NOX1: variants seen among roughly 807,000 people sequenced by gnomAD.
NOX1 encodes NADH/NADPH mitogenic oxidase subunit P65-MOX.
NOX1 carries 34 observed loss-of-function variants against 42.5 expected under a neutral mutation model. The observed-to-expected ratio is 0.80, with a 90% CI of 0.61 to 1.07. The LOEUF (loss-of-function observed/expected upper bound fraction) is 1.07. Ranked by LOEUF, NOX1 falls within the 50% of genes least tolerant of loss-of-function variation. NOX1 has a pLI of 0.00. For synonymous variants in NOX1, 143 were observed against 152.5 expected, an observed-to-expected ratio of 0.94 and a Z score of 0.46; for missense variants, 408 against 427.0, an observed-to-expected ratio of 0.96 and a Z score of 0.39.
Position 100,850,203 on chromosome X carries a change from A to C in NOX1, c.1081T>G (p.Trp361Gly), listed in dbSNP as rs780888793. The C allele has an allele frequency of 1.7e-5, 20 of 1,211,784 alleles. No homozygotes were observed. Among genetic ancestry groups the C allele is most frequent in the Non-Finnish European group, 2.2e-5 (20 of 895,382 alleles). Residue 361 changes from tryptophan (W) to glycine (G), a missense_variant, in exon 9 of 13, where the codon TGG becomes GGG. Transcript: ENST00000372966. ...FSIHIRAAGD[W>G]TENLIRAFEQ... is the part of the protein sequence containing the mutation. Reference sequence around the variant, plus strand: ...AAAGCCCTTATGAGATTTTCTGTCCAGTCCCCTGCTGCTCGGATATGAATG... The same window carrying C: ...AAAGCCCTTATGAGATTTTCTGTCCCGTCCCCTGCTGCTCGGATATGAATG...
At position 100,849,082 on chromosome X, in the gene NOX1, GA is replaced by G. The variant is rs767016582; in HGVS notation, c.1443+197del. Among the ~76,000 whole-genome samples, 7 of 44,644 alleles carry G rather than the reference GA, an allele frequency of 1.6e-4. No individual in the cohort carries two copies. The East Asian group carries it at 2.0e-3, about 13-fold the overall frequency. The allele number at this position is 44,644 out of a possible 115,157, so 38.8% of individuals were successfully genotyped here. On this transcript the variant is annotated intron_variant, in intron 11 of 12. Coordinates refer to ENST00000372966, the MANE Select transcript of NOX1 (RefSeq NM_007052.5). ...CAAGAGTGAAACTCTGTCTCAAAAAGAAAAAAAAAAGAAGAAAGAAAGAAAA... is the reference window on the plus strand; with the variant it reads ...CAAGAGTGAAACTCTGTCTCAAAAAGAAAAAAAAAGAAGAAAGAAAGAAAA...
intron 1 of NOX1, 140 bp downstream of exon 1, chrX:100,873,955 G>T: frequency 2.3e-6 from 1 of 426,176 alleles, no homozygotes; most frequent in Non-Finnish European, 4.1e-6. Flanking sequence ...ACCCACAGTT[G>T]TATTTTTTAA....
chrX:100,856,351 G>T, intron 7 of NOX1: 1 of 582,354 alleles, frequency 1.7e-6, no homozygotes, highest in Non-Finnish European at 3.0e-6. Flanking sequence ...TCAGCTGTTT[G>T]AGCTCTTTAG....
At chrX:100,872,247 A>G (rs775796747) in intron 1 of NOX1, among the ~76,000 whole-genome samples, 56 of 112,152 alleles carry the variant, frequency 5.0e-4, no homozygotes, top group Non-Finnish European at 9.2e-4. Context: ...CACCTCAAGA[A>G]TTTGGAAGAC....
chrX:100,850,986 G>A (rs2085110327), intron 8 of NOX1, among the ~76,000 whole-genome samples: 1 of 110,634 alleles, frequency 9.0e-6, no homozygotes, highest in Admixed American at 9.6e-5. Flanking sequence ...ATTACAGGTG[G>A]GCACCACCAC....
Position 100,850,217 on chromosome X carries a change from C to A in NOX1, c.1067G>T (p.Arg356Leu), listed in dbSNP as rs200198157. 36 of 1,211,218 alleles carry A rather than the reference C, an allele frequency of 3.0e-5. No individual in the cohort carries two copies. Among genetic ancestry groups the A allele is most frequent in the Non-Finnish European group, 3.6e-5 (32 of 895,164 alleles). The change falls in exon 9 of 13, where the codon CGA becomes CTA. Residue 356 changes from arginine (R) to leucine (L), a missense_variant. Coordinates refer to ENST00000372966, the MANE Select transcript of NOX1 (RefSeq NM_007052.5). ...PEEDFFSIHIRAAGDWTENLI... is the reference protein window; with the variant it reads ...PEEDFFSIHILAAGDWTENLI... The stretch of plus-strand genomic sequence containing the variant: ...ATTTTCTGTCCAGTCCCCTGCTGCT[C>A]GGATATGAATGGAGAAGAAATCTTC...
intron 7 of NOX1, among the ~76,000 whole-genome samples, chrX:100,860,707 T>C (rs996687731): frequency 1.8e-5 from 2 of 111,770 alleles, no homozygotes; most frequent in African/African-American, 6.5e-5. Flanking sequence ...GAGTTGTAAA[T>C]ACTTTTCCTA....
chrX:100,868,919 T>A (rs1022177084), intron 2 of NOX1, among the ~76,000 whole-genome samples: 14 of 110,858 alleles, frequency 1.3e-4, no homozygotes, highest in African/African-American at 4.6e-4. Flanking sequence ...AAATAGGGAA[T>A]CCTTTCCCCA....
Position 100,849,364 on chromosome X carries a change from A to C in NOX1, c.1359T>G (p.Thr453=), listed in dbSNP as rs771210143. 4.7e-5 allele frequency: 57 copies of C among 1,208,352 alleles called. No individual in the cohort carries two copies. The East Asian group carries it at 1.6e-3, about 35-fold the overall frequency. ...ATTCCTCCATCTCCTGTTCCAGGGA[A>C]GTCAACAGGTTGTTGAACCAGGAAA... ...GAFSWFNNLL[T]SLEQEMEELG... The change falls in exon 11 of 13, where the codon ACT becomes ACG. Residue 453 remains threonine (T), a synonymous_variant. Coordinates refer to ENST00000372966, the MANE Select transcript of NOX1 (RefSeq NM_007052.5).
In NOX1 at chrX:100,843,451, G is replaced by C. The variant is rs935127592; in HGVS notation, c.*501C>G. On this transcript the variant is annotated 3_prime_UTR_variant, in exon 13 of 13. Transcript: ENST00000372966. ...CACTGTTGGTGTTATATGGGGATGG[G>C]GTTCTCGGTAATTTTGTTTATTATT... 9.1e-7 allele frequency: 1 copy of C among 1,103,305 alleles called. No individual in the cohort carries two copies. Among genetic ancestry groups the C allele is most frequent in the Non-Finnish European group, 1.2e-6 (1 of 848,875 alleles). 90.9% of individuals were successfully genotyped at this position (1,103,305 alleles called of 1,213,427 possible). A position where few individuals can be genotyped will look rare whatever the true frequency, so the allele number is the denominator to read the frequency against.
chrX:100,853,261 C>CTTTCTTT (rs2085129900), intron 7 of NOX1, among the ~76,000 whole-genome samples: 6 of 23,450 alleles, frequency 2.6e-4, no homozygotes, highest in East Asian at 2.2e-3. Flanking sequence ...TTCCTTCCTT[C>CTTTCTTT]CTTTCTTTCT....
intron 7 of NOX1, among the ~76,000 whole-genome samples, chrX:100,852,160 C>A (rs2085118967): frequency 8.9e-6 from 1 of 112,284 alleles, no homozygotes; most frequent in South Asian, 3.7e-4. Context: ...TTTACCTTGT[C>A]TACATTTTTT....
At position 100,868,498 on chromosome X, in the gene NOX1, T is replaced by C. The variant is rs747571308; in HGVS notation, c.141+2221A>G. On this transcript the variant is annotated intron_variant, in intron 2 of 12. Coordinates refer to ENST00000372966, the MANE Select transcript of NOX1 (RefSeq NM_007052.5). ...CCTCCTGGTCACCTCCACACCCCTGTGCCCTACCCACTCCCTCCCTCCCTC... is the reference window on the plus strand; with the variant it reads ...CCTCCTGGTCACCTCCACACCCCTGCGCCCTACCCACTCCCTCCCTCCCTC... 4.5e-5 allele frequency among the ~76,000 whole-genome samples: 5 copies of C among 110,805 alleles called. No individual in the cohort carries two copies. The East Asian group carries it at 1.4e-3, about 32-fold the overall frequency.
chrX:100,843,515 A>C lies in NOX1; in HGVS notation c.*437T>G. 2.9e-6 allele frequency: 3 copies of C among 1,039,679 alleles called. No homozygotes were observed. Among genetic ancestry groups the C allele is most frequent in the Non-Finnish European group, 3.7e-6 (3 of 801,161 alleles). The allele number at this position is 1,039,679 out of a possible 1,213,427, so 85.7% of individuals were successfully genotyped here. On this transcript the variant is annotated 3_prime_UTR_variant, in exon 13 of 13. Transcript: ENST00000372966. ...ATGTTTTATCATTAATTATTCAATA[A>C]ATTTTTATTTAAAAAGTCACCCTAC...
At chrX:100,847,723 A>C (rs1056993860) in intron 12 of NOX1, among the ~76,000 whole-genome samples, 2 of 97,962 alleles carry the variant, frequency 2.0e-5, no homozygotes, top group Non-Finnish European at 4.0e-5. Context: ...CAGAGATCGC[A>C]CCACTGCACT....
intron 7 of NOX1, among the ~76,000 whole-genome samples, chrX:100,858,522 A>T (rs1374419344): frequency 8.9e-6 from 1 of 111,811 alleles, no homozygotes; most frequent in Non-Finnish European, 1.9e-5. Flanking sequence ...TGATTTGGGC[A>T]GTAGGGCCAT....
chrX:100,843,638 G>A lies in NOX1; in HGVS notation c.*314C>T. On this transcript the variant is annotated 3_prime_UTR_variant, in exon 13 of 13. Coordinates refer to ENST00000372966, the MANE Select transcript of NOX1 (RefSeq NM_007052.5). Reference sequence around the variant, plus strand: ...TTGATAAAATCACCTGGGATTAGTTGTATAACTCTGAACCACCAAACCTCT... The same window carrying A: ...TTGATAAAATCACCTGGGATTAGTTATATAACTCTGAACCACCAAACCTCT... 4.3e-6 allele frequency: 2 copies of A among 462,682 alleles called. No homozygotes were observed. Among genetic ancestry groups the A allele is most frequent in the Non-Finnish European group, 6.8e-6 (2 of 294,934 alleles). 38.1% of individuals were successfully genotyped at this position (462,682 alleles called of 1,213,427 possible). A position where few individuals can be genotyped will look rare whatever the true frequency, so the allele number is the denominator to read the frequency against.
At chrX:100,850,045 A>G in intron 9 of NOX1, 106 bp downstream of exon 9, 1 of 981,783 alleles carries the variant, frequency 1.0e-6, no homozygotes, top group Non-Finnish European at 1.4e-6. Flanking sequence ...CATATTTATT[A>G]TAATCCTATT....
At position 100,850,362 on chromosome X, in the gene NOX1, A is replaced by G; in HGVS notation, c.922T>C (p.Leu308=). 1 of 1,195,366 alleles carries G rather than the reference A, an allele frequency of 8.4e-7. No individual in the cohort carries two copies. Among genetic ancestry groups the G allele is most frequent in the Non-Finnish European group, 1.1e-6 (1 of 886,106 alleles). The part of the protein sequence containing the change: ...TKVVMHPSKV[L]ELQMNKRGFS... ...CCACGCTTGTTCATCTGCAATTCCA[A>G]AACTTTGGATGGGTGCATAACAACC... The change falls in exon 9 of 13, where the codon TTG becomes CTG. Residue 308 remains leucine (L), a synonymous_variant. Transcript: ENST00000372966.
Sources: allele counts gnomAD v4.1 joint callset (sites outside exome capture counted in the v4.1 genomes callset), GRCh38; gene constraint gnomAD v4.1.1; transcripts MANE v1.5; gene names NCBI Gene and HGNC (gene_info 2026-07-23, HGNC 2026-07-21).